LSM8: variants seen among roughly 807,000 people sequenced by gnomAD.
LSM8 encodes the protein LSM8 homolog, U6 small nuclear RNA associated.
LSM8 carries 14 observed loss-of-function variants against 15.0 expected under a neutral mutation model. The observed-to-expected ratio is 0.93, with a 90% CI of 0.62 to 1.46. The LOEUF (loss-of-function observed/expected upper bound fraction) is 1.46, where lower values mean the gene tolerates loss of function less well. Ranked by LOEUF, LSM8 falls within the 40% of genes most tolerant of loss-of-function variation. The pLI is 0.00. For missense variants in LSM8, 90 were observed against 115.4 expected (o/e 0.78, Z 1.01); for synonymous variants, 50 against 42.1 (o/e 1.19, Z -0.73).
At position 118,197,657 on chromosome 7, in the gene LSM8, A is replaced by AT. The variant is rs1294570763; in HGVS notation, c.*5659dup. Among the ~76,000 whole-genome samples the AT allele has an allele frequency of 1.3e-5, 2 of 152,188 alleles. No individual in the cohort carries two copies. The highest frequency in any genetic ancestry group is 2.4e-5 in the African/African-American group (1 of 41,446). ...TCTGAATCTGACTTGGATAAGCTTTATTTTAATTGTGATTCTGCTAATTAC... is the reference window on the plus strand; with the variant it reads ...TCTGAATCTGACTTGGATAAGCTTTATTTTTAATTGTGATTCTGCTAATTAC... On this transcript the variant is annotated 3_prime_UTR_variant, in exon 4 of 4. Coordinates refer to ENST00000249299, the MANE Select transcript of LSM8 (RefSeq NM_016200.5).
Position 118,199,177 on chromosome 7 carries a change from A to G in LSM8, c.*7175A>G, listed in dbSNP as rs1362270195. 6.6e-6 allele frequency among the ~76,000 whole-genome samples: 1 copy of G among 152,064 alleles called. No homozygotes were observed. Among genetic ancestry groups the G allele is most frequent in the Non-Finnish European group, 1.5e-5 (1 of 68,014 alleles). On this transcript the variant is annotated 3_prime_UTR_variant, in exon 4 of 4. Coordinates refer to ENST00000249299, the MANE Select transcript of LSM8 (RefSeq NM_016200.5). ...TATAATCTGCAACTGGGAGCATAGC[A>G]GCTTTTCTGAGTCCTATGATTCCAA...
chr7:118,188,308 A>C lies in LSM8; in HGVS notation c.103A>C (p.Asn35His), dbSNP rs762748920. ...ACTGAAAGGTTTTGACCAGACCATT[A>C]ATTTGATTTTGGATGAAAGCCATGA... ...GTLKGFDQTI[N>H]LILDESHERV... Residue 35 changes from asparagine to histidine, a missense_variant, in exon 3 of 4, where the codon AAT becomes CAT. Physicochemically the swap from Asn to His is moderately conservative, Grantham distance 68. Coordinates refer to ENST00000249299, the MANE Select transcript of LSM8 (RefSeq NM_016200.5). The C allele has an allele frequency of 6.2e-7, 1 of 1,613,590 alleles. No individual in the cohort carries two copies. The highest frequency in any genetic ancestry group is 8.5e-7 in the Non-Finnish European group (1 of 1,179,516).
chr7:118,192,063 T>C lies in LSM8; in HGVS notation c.*61T>C. 7.5e-7 allele frequency: 1 copy of C among 1,334,646 alleles called. No homozygotes were observed. The highest frequency in any genetic ancestry group is 1.1e-6 in the Non-Finnish European group (1 of 951,044). 82.7% of individuals were successfully genotyped at this position (1,334,646 alleles called of 1,614,324 possible). ...GTACAGAAACTGATTATTCTGAGGA[T>C]GATATATGGAGTTTTTATGAGTGTG... On this transcript the variant is annotated 3_prime_UTR_variant, in exon 4 of 4. Transcript: ENST00000249299.
Position 118,192,255 on chromosome 7 carries a change from T to G in LSM8, c.*253T>G, listed in dbSNP as rs1301241024. 3.4e-6 allele frequency: 1 copy of G among 292,696 alleles called. No individual in the cohort carries two copies. Among genetic ancestry groups the G allele is most frequent in the Non-Finnish European group, 6.3e-6 (1 of 158,172 alleles). 18.1% of individuals were successfully genotyped at this position (292,696 alleles called of 1,614,324 possible). On this transcript the variant is annotated 3_prime_UTR_variant, in exon 4 of 4. Coordinates refer to ENST00000249299, the MANE Select transcript of LSM8 (RefSeq NM_016200.5). ...ATATAATGGGCATTTTGAAAACTTT[T>G]AGAAAAAAGTAGTACTTTTTGATAC...
chr7:118,190,730 C>T (rs1808964180), intron 3 of LSM8: 1 of 152,240 alleles, frequency 6.6e-6, no homozygotes, highest in African/African-American at 2.4e-5. Flanking sequence ...GCCAGAGTTT[C>T]ATATTTTTCA....
chr7:118,188,464 G>A (rs1247375324), intron 3 of LSM8, 59 bp downstream of exon 3: 1 of 1,494,036 alleles, frequency 6.7e-7, no homozygotes, highest in African/African-American at 1.4e-5. Context: ...ATGGAGAAGA[G>A]GCTTTCCCCA....
rs1248884231 is a variant in LSM8, at chr7:118,192,996, T to G, written c.*994T>G. Among the ~76,000 whole-genome samples the G allele has an allele frequency of 6.6e-6, 1 of 152,180 alleles. No individual in the cohort carries two copies. Among genetic ancestry groups the G allele is most frequent in the African/African-American group, 2.4e-5 (1 of 41,458 alleles). On this transcript the variant is annotated 3_prime_UTR_variant, in exon 4 of 4. Transcript: ENST00000249299. Reference sequence around the variant, plus strand: ...TGATCAACTCATGTATAGGCCCAAGTGTGTGTCTTTGTGATGAGAAGAACA... The same window carrying G: ...TGATCAACTCATGTATAGGCCCAAGGGTGTGTCTTTGTGATGAGAAGAACA...
chr7:118,192,064 G>A lies in LSM8; in HGVS notation c.*62G>A. 1.5e-6 allele frequency: 2 copies of A among 1,293,852 alleles called. No individual in the cohort carries two copies. The highest frequency in any genetic ancestry group is 2.2e-6 in the Non-Finnish European group (2 of 924,192). The allele number at this position is 1,293,852 out of a possible 1,614,324, so 80.1% of individuals were successfully genotyped here. A position where few individuals can be genotyped will look rare whatever the true frequency, so the allele number is the denominator to read the frequency against. Reference sequence around the variant, plus strand: ...TACAGAAACTGATTATTCTGAGGATGATATATGGAGTTTTTATGAGTGTGT... The same window carrying A: ...TACAGAAACTGATTATTCTGAGGATAATATATGGAGTTTTTATGAGTGTGT... On this transcript the variant is annotated 3_prime_UTR_variant, in exon 4 of 4. Coordinates refer to ENST00000249299, the MANE Select transcript of LSM8 (RefSeq NM_016200.5).
chr7:118,200,648 C>T lies in LSM8; in HGVS notation c.*8646C>T, dbSNP rs979394868. 1.3e-5 allele frequency among the ~76,000 whole-genome samples: 2 copies of T among 152,062 alleles called. No individual in the cohort carries two copies. Among genetic ancestry groups the T allele is most frequent in the Non-Finnish European group, 2.9e-5 (2 of 67,992 alleles). On this transcript the variant is annotated 3_prime_UTR_variant, in exon 4 of 4. Coordinates refer to ENST00000249299, the MANE Select transcript of LSM8 (RefSeq NM_016200.5). Reference sequence around the variant, plus strand: ...CATAATAAACAAGCAAACTGTCATACTTGTTGACTTATATTTCATTCCATG... The same window carrying T: ...CATAATAAACAAGCAAACTGTCATATTTGTTGACTTATATTTCATTCCATG...
rs1311358807 is a variant in LSM8, at chr7:118,193,750, C to A, written c.*1748C>A. Among the ~76,000 whole-genome samples, 5 of 152,084 alleles carry A rather than the reference C, an allele frequency of 3.3e-5. No homozygotes were observed. Among genetic ancestry groups the A allele is most frequent in the Admixed American group, 6.6e-5 (1 of 15,266 alleles). On this transcript the variant is annotated 3_prime_UTR_variant, in exon 4 of 4. Transcript: ENST00000249299. ...AAATTAAATAAGAATACACATTGTTCAGTTGCTAAGAAAAATGCATTCTAA... is the reference window on the plus strand; with the variant it reads ...AAATTAAATAAGAATACACATTGTTAAGTTGCTAAGAAAAATGCATTCTAA...
chr7:118,198,540 A>G lies in LSM8; in HGVS notation c.*6538A>G, dbSNP rs1291987213. Among the ~76,000 whole-genome samples the G allele has an allele frequency of 1.3e-5, 2 of 152,178 alleles. No homozygotes were observed. Among genetic ancestry groups the G allele is most frequent in the Non-Finnish European group, 2.9e-5 (2 of 68,036 alleles). On this transcript the variant is annotated 3_prime_UTR_variant, in exon 4 of 4. Transcript: ENST00000249299. ...TATATAAAAGCTTCCCATGCATGGCAAAGATGCATTTTCCTCTATGCATAG... is the reference window on the plus strand; with the variant it reads ...TATATAAAAGCTTCCCATGCATGGCGAAGATGCATTTTCCTCTATGCATAG...
chr7:118,185,622 C>T, intron 1 of LSM8, 32 bp from the exon 2 acceptor site: 1 of 1,579,316 alleles, frequency 6.3e-7, no homozygotes, highest in Non-Finnish European at 8.7e-7. Context: ...TTTGCATTCC[C>T]TAAGAAACAC....
rs1249381940 is a variant in LSM8 at position 118,200,772 on chromosome 7, A to G, written c.*8770A>G. Among the ~76,000 whole-genome samples, 2 of 152,060 alleles carry G rather than the reference A, an allele frequency of 1.3e-5. No homozygotes were observed. Among genetic ancestry groups the G allele is most frequent in the Non-Finnish European group, 2.9e-5 (2 of 67,984 alleles). On this transcript the variant is annotated 3_prime_UTR_variant, in exon 4 of 4. Coordinates refer to ENST00000249299, the MANE Select transcript of LSM8 (RefSeq NM_016200.5). ...ACTTTTTTCTCCTGTGACAGCATCTATTCCCAAGGCAATCAACATTTTAAT... is the reference window on the plus strand; with the variant it reads ...ACTTTTTTCTCCTGTGACAGCATCTGTTCCCAAGGCAATCAACATTTTAAT...
Position 118,196,648 on chromosome 7 carries a change from C to G in LSM8, c.*4646C>G, listed in dbSNP as rs987823770. ...ATTTTTGTGTTAGTTTTTTGTTATG[C>G]CTTTTCATTTCCTTCTTTTTTTAAT... On this transcript the variant is annotated 3_prime_UTR_variant, in exon 4 of 4. Transcript: ENST00000249299. 2.1e-5 allele frequency among the ~76,000 whole-genome samples: 3 copies of G among 146,188 alleles called. No individual in the cohort carries two copies. Among genetic ancestry groups the G allele is most frequent in the African/African-American group, 5.0e-5 (2 of 39,838 alleles).
rs1450092185 is a variant in LSM8, at chr7:118,192,066, T to C, written c.*64T>C. 1 of 1,288,116 alleles carries C rather than the reference T, an allele frequency of 7.8e-7. No homozygotes were observed. Among genetic ancestry groups the C allele is most frequent in the African/African-American group, 1.5e-5 (1 of 66,886 alleles). The allele number at this position is 1,288,116 out of a possible 1,614,324, so 79.8% of individuals were successfully genotyped here. ...CAGAAACTGATTATTCTGAGGATGA[T>C]ATATGGAGTTTTTATGAGTGTGTCA... is the stretch of plus-strand genomic sequence containing the variant. On this transcript the variant is annotated 3_prime_UTR_variant, in exon 4 of 4. Transcript: ENST00000249299.
rs1307985543 is a variant in LSM8, at chr7:118,188,389, G to C, written c.184G>C (p.Val62Leu). 1 of 1,611,766 alleles carries C rather than the reference G, an allele frequency of 6.2e-7. No homozygotes were observed. The highest frequency in any genetic ancestry group is 1.3e-5 in the African/African-American group (1 of 74,926). Residue 62 changes from valine to leucine, a missense_variant, in exon 3 of 4, where the codon GTA becomes CTA. By Grantham distance (32) the Val-to-Leu change is conservative. Coordinates refer to ENST00000249299, the MANE Select transcript of LSM8 (RefSeq NM_016200.5). ...ACAAGTGGTACTAGGATTATACATTGTAAGAGGTGACAACGTGTAAGTAAA... is the reference window on the plus strand; with the variant it reads ...ACAAGTGGTACTAGGATTATACATTCTAAGAGGTGACAACGTGTAAGTAAA... ...VEQVVLGLYI[V>L]RGDNVAVIGE...
intron 3 of LSM8, 200 bp from the exon 4 acceptor site, chr7:118,191,712 C>T (rs533426318): frequency 3.0e-5 from 15 of 500,332 alleles, no homozygotes; most frequent in African/African-American, 2.7e-4. Context: ...CAAATTATTT[C>T]TTGAGTTTTG....
At chr7:118,184,998 A>C (rs1228650528) in intron 1 of LSM8, 1 of 152,338 alleles carries the variant, frequency 6.6e-6, no homozygotes, top group East Asian at 1.9e-4. Context: ...GTTTTTTAAC[A>C]TGCTGGAAAA....
chr7:118,199,823 C>T lies in LSM8; in HGVS notation c.*7821C>T, dbSNP rs1366795984. ...ATATGTATTGGGTGATATGAGAGCC[C>T]ATAGGAGAGACATCTAAAGTTTAAT... On this transcript the variant is annotated 3_prime_UTR_variant, in exon 4 of 4. Coordinates refer to ENST00000249299, the MANE Select transcript of LSM8 (RefSeq NM_016200.5). 6.6e-6 allele frequency among the ~76,000 whole-genome samples: 1 copy of T among 151,980 alleles called. No homozygotes were observed. The highest frequency in any genetic ancestry group is 1.5e-5 in the Non-Finnish European group (1 of 67,974).
Sources: allele counts gnomAD v4.1 joint callset (sites outside exome capture counted in the v4.1 genomes callset), GRCh38; gene constraint gnomAD v4.1.1; transcripts MANE v1.5; gene names NCBI Gene and HGNC (gene_info 2026-07-23, HGNC 2026-07-21).